The following PRKN variants were observed in gnomAD, a reference collection of about 807,000 sequenced individuals.
PRKN encodes the protein parkin RBR E3 ubiquitin protein ligase.
Under a neutral mutation model 59.5 loss-of-function variants are expected in PRKN, and 56 were observed. The ratio of observed to expected loss-of-function variants is 0.94; its 90% CI spans 0.76 to 1.18. The LOEUF is 1.18. Ranked by LOEUF, PRKN falls within the 50% of genes most tolerant of loss-of-function variation. PRKN has a pLI of 0.00. For missense variants in PRKN, 657 were observed against 596.4 expected, an observed-to-expected ratio of 1.10 and a Z score of -1.06; for synonymous variants, 250 against 222.1, an observed-to-expected ratio of 1.13 and a Z score of -1.12.
intron 6 of PRKN, among the ~76,000 whole-genome samples, chr6:161,971,291 G>A (rs1034306901): frequency 2.0e-5 from 3 of 152,134 alleles, no homozygotes; most frequent in Admixed American, 6.5e-5. Context: ...GGAGGGCAAC[G>A]CTCTTAGTAA....
intron 7 of PRKN, among the ~76,000 whole-genome samples, chr6:161,734,361 T>A (rs1378188383): frequency 6.6e-6 from 1 of 152,132 alleles, no homozygotes; most frequent in Non-Finnish European, 1.5e-5. Flanking sequence ...AATATCTCCA[T>A]CCCAAAATAC....
At position 161,372,998 on chromosome 6, in the gene PRKN, A is replaced by T. The variant is rs1378783307; in HGVS notation, c.1168-12793T>A. 6.6e-6 allele frequency among the ~76,000 whole-genome samples: 1 copy of T among 151,720 alleles called. No homozygotes were observed. Among genetic ancestry groups the T allele is most frequent in the Non-Finnish European group, 1.5e-5 (1 of 67,944 alleles). The stretch of plus-strand genomic sequence containing the variant: ...TCTTTAAAAAATATTTTTTGTAGAG[A>T]TGGGGTCTCACTTTGTTGCCCAGGC... On this transcript the variant is annotated intron_variant, in intron 10 of 11. Coordinates refer to ENST00000366898, the MANE Select transcript of PRKN (RefSeq NM_004562.3). This position sits in a 1 kb window ranked among gnomAD's most constrained non-coding sequence, Gnocchi z 4.2.
chr6:162,067,981 G>A (rs1222665282), intron 4 of PRKN, among the ~76,000 whole-genome samples: 1 of 152,116 alleles, frequency 6.6e-6, no homozygotes, highest in African/African-American at 2.4e-5. Flanking sequence ...CTTGCTAACT[G>A]TATCTCTTTC....
intron 1 of PRKN, among the ~76,000 whole-genome samples, chr6:162,578,629 C>T (rs73593998): frequency 0.021 from 3,139 of 152,242 alleles, 109 homozygotes; most frequent in African/African-American, 0.071. Flanking sequence ...TGATCACACA[C>T]TCTATTTGTT....
Position 161,376,717 on chromosome 6 carries a change from C to T in PRKN, c.1167+10077G>A, listed in dbSNP as rs1785721356. 6.6e-6 allele frequency among the ~76,000 whole-genome samples: 1 copy of T among 152,218 alleles called. No individual in the cohort carries two copies. Among genetic ancestry groups the T allele is most frequent in the African/African-American group, 2.4e-5 (1 of 41,460 alleles). ...AGGGCTCACCTCTAGCCTCCTACCT[C>T]TGGCTCCCCTCAGTCTTCTGTGGCA... On this transcript the variant is annotated intron_variant, in intron 10 of 11. Transcript: ENST00000366898. This position sits in a 1 kb window ranked among gnomAD's most constrained non-coding sequence, Gnocchi z 7.3.
rs918176446 is a variant in PRKN at position 161,525,834 on chromosome 6, A to C, written c.1083+23020T>G. On this transcript the variant is annotated intron_variant, in intron 9 of 11. Transcript: ENST00000366898. This position sits in a 1 kb window ranked among gnomAD's most constrained non-coding sequence, Gnocchi z 4.7. The stretch of plus-strand genomic sequence containing the variant: ...CTTGGCTATAGAATAGCCTACAGAT[A>C]TAATAAAAAATAATTATTTAAAGTA... 1.3e-5 allele frequency among the ~76,000 whole-genome samples: 2 copies of C among 152,224 alleles called. No homozygotes were observed. The highest frequency in any genetic ancestry group is 2.9e-5 in the Non-Finnish European group (2 of 68,046).
At chr6:162,590,393 GAC>G (rs1781253625) in intron 1 of PRKN, among the ~76,000 whole-genome samples, 1 of 152,108 alleles carries the variant, frequency 6.6e-6, no homozygotes, top group African/African-American at 2.4e-5. Context: ...CAAAAGTAAT[GAC>G]CTTAATTCCA....
chr6:161,705,610 T>A (rs1349686131), intron 7 of PRKN, among the ~76,000 whole-genome samples: 2 of 152,176 alleles, frequency 1.3e-5, no homozygotes, highest in Non-Finnish European at 2.9e-5. Flanking sequence ...AATAATTCTC[T>A]GTCTCTTCAG....
Position 161,349,542 on chromosome 6 carries a change from A to AT in PRKN, c.*556dup, listed in dbSNP as rs1784439856. The AT allele has an allele frequency of 4.3e-6, 1 of 234,774 alleles. No homozygotes were observed. Among genetic ancestry groups the AT allele is most frequent in the Non-Finnish European group, 8.4e-6 (1 of 119,076 alleles). 14.5% of individuals were successfully genotyped at this position (234,774 alleles called of 1,614,324 possible). A position where few individuals can be genotyped will look rare whatever the true frequency, so the allele number is the denominator to read the frequency against. ...ATTGCCTGGGGTTCTTTGGGAATAGATGCTTTCTGAAAATTTAAATAAGAA... is the reference window on the plus strand; with the variant it reads ...ATTGCCTGGGGTTCTTTGGGAATAGATTGCTTTCTGAAAATTTAAATAAGAA... On this transcript the variant is annotated 3_prime_UTR_variant, in exon 12 of 12. Transcript: ENST00000366898. This position sits in a 1 kb window ranked among gnomAD's most constrained non-coding sequence, Gnocchi z 5.5.
intron 1 of PRKN, among the ~76,000 whole-genome samples, chr6:162,605,460 G>T (rs998224891): frequency 3.4e-4 from 51 of 152,072 alleles, no homozygotes; most frequent in Admixed American, 2.3e-3. Context: ...CAATTCCTTG[G>T]TATAATTTAA....
chr6:162,335,945 A>T (rs2128126248), intron 2 of PRKN, among the ~76,000 whole-genome samples: 1 of 151,488 alleles, frequency 6.6e-6, no homozygotes, highest in South Asian at 2.1e-4. Flanking sequence ...ACTTAAGGGC[A>T]ACTAGATTCA....
At position 161,395,186 on chromosome 6, in the gene PRKN, T is replaced by C. The variant is rs1049016699; in HGVS notation, c.1084-8309A>G. Among the ~76,000 whole-genome samples, 3 of 152,148 alleles carry C rather than the reference T, an allele frequency of 2.0e-5. No individual in the cohort carries two copies. Among genetic ancestry groups the C allele is most frequent in the Admixed American group, 1.3e-4 (2 of 15,272 alleles). On this transcript the variant is annotated intron_variant, in intron 9 of 11. Coordinates refer to ENST00000366898, the MANE Select transcript of PRKN (RefSeq NM_004562.3). The surrounding 1 kb of genome is among the most constrained non-coding windows in gnomAD (Gnocchi z 5.0). ...AATATGTTCTGCACTCAATCATCAATTTATGCTATTTTTAAACAAAAATAC... is the reference window on the plus strand; with the variant it reads ...AATATGTTCTGCACTCAATCATCAACTTATGCTATTTTTAAACAAAAATAC...
At chr6:162,485,214 A>C (rs996360586) in intron 1 of PRKN, among the ~76,000 whole-genome samples, 1 of 152,188 alleles carries the variant, frequency 6.6e-6, no homozygotes, top group African/African-American at 2.4e-5. Context: ...ATTTAGGGAT[A>C]TTCTTCAATT....
rs569930934 is a variant in PRKN, at chr6:162,519,530, T to C, written c.8-76057A>G. Among the ~76,000 whole-genome samples the C allele has an allele frequency of 3.9e-5, 6 of 152,264 alleles. No homozygotes were observed. In the South Asian group the frequency reaches 1.2e-3, roughly 32 times the overall value. On this transcript the variant is annotated intron_variant, in intron 1 of 11. Coordinates refer to ENST00000366898, the MANE Select transcript of PRKN (RefSeq NM_004562.3). ...AGATGAAGTGATAATGTATTATTAA[T>C]AGTTTTGATATTAACATATGTGAGA...
chr6:162,056,754 G>C lies in PRKN; in HGVS notation c.535-2580C>G, dbSNP rs1004483436. Among the ~76,000 whole-genome samples the C allele has an allele frequency of 1.3e-5, 2 of 152,068 alleles. No homozygotes were observed. The highest frequency in any genetic ancestry group is 2.9e-5 in the Non-Finnish European group (2 of 68,006). The stretch of plus-strand genomic sequence containing the variant: ...CTATGCACAACATCTTCTCACCCTC[G>C]GCAAGGCTGGAATTTTGATAAGCCC... On this transcript the variant is annotated intron_variant, in intron 4 of 11. Coordinates refer to ENST00000366898, the MANE Select transcript of PRKN (RefSeq NM_004562.3). The surrounding 1 kb of genome is among the most constrained non-coding windows in gnomAD (Gnocchi z 4.9).
At chr6:162,393,344 G>A (rs1293074611) in intron 2 of PRKN, among the ~76,000 whole-genome samples, 2 of 151,638 alleles carry the variant, frequency 1.3e-5, no homozygotes, top group Non-Finnish European at 2.9e-5. Context: ...ATTTTTAGTA[G>A]AGACGGGGTT....
chr6:162,445,239 T>A (rs1478908071), intron 1 of PRKN, among the ~76,000 whole-genome samples: 1 of 152,172 alleles, frequency 6.6e-6, no homozygotes, highest in Non-Finnish European at 1.5e-5. Flanking sequence ...ATTATCCTTA[T>A]TTTACAGAAT....
chr6:162,118,047 G>A (rs1462063760), intron 4 of PRKN, among the ~76,000 whole-genome samples: 1 of 152,034 alleles, frequency 6.6e-6, no homozygotes, highest in Non-Finnish European at 1.5e-5. Context: ...AGTGAGCCAA[G>A]ATCACGCTGT....
chr6:162,389,513 G>A (rs557771981), intron 2 of PRKN, among the ~76,000 whole-genome samples: 1 of 152,210 alleles, frequency 6.6e-6, no homozygotes, highest in Non-Finnish European at 1.5e-5. Context: ...CAAAATAGAC[G>A]TACACACAGC....
Sources: gnomAD v4.1 joint callset for allele counts (sites outside exome capture counted in the v4.1 genomes callset) on GRCh38, gnomAD v4.1.1 for gene constraint, Gnocchi (gnomAD v3.1) non-coding constraint, MANE v1.5 for transcripts, NCBI Gene and HGNC (gene_info 2026-07-23, HGNC 2026-07-21) for gene names.